The following GART variants were observed in gnomAD, a reference collection of about 807,000 sequenced individuals.
GART encodes the protein trifunctional purine biosynthetic protein adenosine-3.
Under a neutral mutation model 107.2 loss-of-function variants are expected in GART, and 43 were observed. That is an observed-to-expected ratio of 0.40 (90% CI 0.31 to 0.52). The LOEUF (loss-of-function observed/expected upper bound fraction) is 0.52. Ranked by LOEUF, GART falls within the 20% of genes least tolerant of loss-of-function variation. The pLI is 0.52. For synonymous variants in GART, 434 were observed against 427.0 expected (o/e 1.02, Z -0.20); for missense variants, 1,107 against 1,206.5 (o/e 0.92, Z 1.22).
At chr21:33,508,902 T>C (rs1168567830) in intron 18 of GART, among the ~76,000 whole-genome samples, 2 of 152,184 alleles carry the variant, frequency 1.3e-5, no homozygotes, top group Non-Finnish European at 2.9e-5. Flanking sequence ...TTTCTGTTTC[T>C]GAGGCAGTTC....
intron 17 of GART, 42 bp from the exon 18 acceptor site, chr21:33,509,962 T>C (rs2084755726): frequency 6.4e-7 from 1 of 1,552,936 alleles, no homozygotes; most frequent in East Asian, 2.3e-5. Context: ...AGAACAATTG[T>C]GAATTAACAA....
chr21:33,520,716 T>G, intron 13 of GART, 154 bp from the exon 14 acceptor site: 1 of 711,970 alleles, frequency 1.4e-6, no homozygotes, highest in Non-Finnish European at 2.3e-6. Flanking sequence ...TCCTCTAAAG[T>G]ACCCTTCCAT....
At chr21:33,504,713 A>C (rs2084649795) in intron 20 of GART, among the ~76,000 whole-genome samples, 186 bp from the exon 21 acceptor site, 2 of 152,184 alleles carry the variant, frequency 1.3e-5, no homozygotes, top group Admixed American at 1.3e-4. Context: ...GGAAGCAGCA[A>C]GTACCCGCCT....
rs1338592990 is a variant in GART at position 33,517,524 on chromosome 21, T to C, written c.1787A>G (p.Asp596Gly). The C allele has an allele frequency of 6.2e-7, 1 of 1,614,164 alleles. No homozygotes were observed. Among genetic ancestry groups the C allele is most frequent in the East Asian group, 2.2e-5 (1 of 44,886 alleles). ...TCTTTCCAGGTGAGGGAGTTTCTGA[T>C]CTCGCTCCATGGCACCAACGGCAAA... ...AGFAVGAMER[D>G]QKLPHLERIT... Residue 596 changes from aspartate (D) to glycine (G), a missense_variant, in exon 15 of 22, where the codon GAT becomes GGT. Transcript: ENST00000381815.
chr21:33,520,238 C>T, intron 14 of GART, 126 bp downstream of exon 14: 1 of 749,684 alleles, frequency 1.3e-6, no homozygotes, highest in South Asian at 1.8e-5. Context: ...TTGTGCATAT[C>T]ACATATATGC....
chr21:33,530,568 T>C (rs2085166298), intron 7 of GART, 191 bp downstream of exon 7: 1 of 453,772 alleles, frequency 2.2e-6, no homozygotes, highest in African/African-American at 2.0e-5. Context: ...TTATTTTAGT[T>C]CTTCAAAAAA....
upstream of GART, chr21:33,542,515 A>AC (rs2085467978): frequency 6.8e-6 from 1 of 146,544 alleles, no homozygotes; most frequent in South Asian, 2.1e-4. Context: ...GCCTATTGCT[A>AC]AAAAAAAAAA....
At chr21:33,523,237 C>CAAAAACA (rs1377322994) in intron 11 of GART, among the ~76,000 whole-genome samples, 2 of 152,066 alleles carry the variant, frequency 1.3e-5, no homozygotes, top group Non-Finnish European at 2.9e-5. Flanking sequence ...AAAAAGCATA[C>CAAAAACA]AAAAACAAAA....
rs753557875 is a variant in GART, at chr21:33,528,923, T to C, written c.738A>G (p.Leu246=). Residue 246 remains leucine, a synonymous_variant, in exon 8 of 22, where the codon CTA becomes CTG. Coordinates refer to ENST00000381815, the MANE Select transcript of GART (RefSeq NM_000819.5). ...GAACAGTATCTTTAATTTTTAGTAATAGATCATTAGAAACCTGGAGAACGT... is the reference window on the plus strand; with the variant it reads ...GAACAGTATCTTTAATTTTTAGTAACAGATCATTAGAAACCTGGAGAACGT... The part of the protein sequence containing the change: ...YCPAPQVSND[L]LLKIKDTVLQ... The C allele has an allele frequency of 8.1e-6, 13 of 1,610,760 alleles. No individual in the cohort carries two copies. Among genetic ancestry groups the C allele is most frequent in the South Asian group, 3.3e-5 (3 of 90,986 alleles).
intron 6 of GART, 104 bp from the exon 7 acceptor site, chr21:33,530,988 G>GTT: frequency 2.0e-6 from 2 of 1,004,608 alleles, no homozygotes; most frequent in South Asian, 5.4e-5. Flanking sequence ...TTGAGGAAAA[G>GTT]TTTGTTTTTT....
chr21:33,522,822 G>A (rs1301715649), intron 11 of GART, among the ~76,000 whole-genome samples: 1 of 152,108 alleles, frequency 6.6e-6, no homozygotes, highest in Non-Finnish European at 1.5e-5. Context: ...CTGTTTAAAA[G>A]TAGATATACT....
At chr21:33,530,597 G>T in intron 7 of GART, 162 bp downstream of exon 7, 1 of 702,904 alleles carries the variant, frequency 1.4e-6, no homozygotes, top group Non-Finnish European at 2.0e-6. Flanking sequence ...GGAAAAGTTA[G>T]TTTTAGAGAC....
At chr21:33,525,378 T>C (rs925526862) in intron 10 of GART, among the ~76,000 whole-genome samples, 1 of 152,098 alleles carries the variant, frequency 6.6e-6, no homozygotes, top group Non-Finnish European at 1.5e-5. Context: ...TCCAAATAAA[T>C]AAATACATAA....
chr21:33,522,314 C>T (rs186691507), intron 11 of GART, 32 bp from the exon 12 acceptor site: 74 of 1,427,868 alleles, frequency 5.2e-5, no homozygotes, highest in Admixed American at 6.9e-5. Flanking sequence ...ATCACCTAAA[C>T]GTCAGGGAAA....
At chr21:33,510,980 G>C (rs1207525614) in intron 17 of GART, among the ~76,000 whole-genome samples, 1 of 152,176 alleles carries the variant, frequency 6.6e-6, no homozygotes, top group Non-Finnish European at 1.5e-5. Flanking sequence ...AGTGACAGCA[G>C]AGCCATGAGG....
At chr21:33,518,580 A>G (rs1457724310) in intron 14 of GART, 1 of 297,388 alleles carries the variant, frequency 3.4e-6, no homozygotes, top group Non-Finnish European at 6.7e-6. Flanking sequence ...TCTAAATTTT[A>G]TCAGATCCAT....
intron 8 of GART, 73 bp downstream of exon 8, chr21:33,528,777 A>G: frequency 8.3e-7 from 1 of 1,200,518 alleles, no homozygotes. Context: ...AAAAAAGGGA[A>G]TGGAAAATAA....
At chr21:33,513,174 A>G (rs1427332638) in intron 16 of GART, among the ~76,000 whole-genome samples, 1 of 149,338 alleles carries the variant, frequency 6.7e-6, no homozygotes, top group Non-Finnish European at 1.5e-5. Flanking sequence ...CATGCTGGCC[A>G]GGCTGGTCTT....
intron 2 of GART, among the ~76,000 whole-genome samples, chr21:33,536,124 C>T (rs912039133): frequency 6.6e-6 from 1 of 151,746 alleles, no homozygotes; most frequent in Non-Finnish European, 1.5e-5. Flanking sequence ...AACATACAAA[C>T]AAAAAAACAG....
Sources: gnomAD v4.1 joint callset for allele counts (sites outside exome capture counted in the v4.1 genomes callset) on GRCh38, gnomAD v4.1.1 for gene constraint, MANE v1.5 for transcripts, NCBI Gene and HGNC (gene_info 2026-07-23, HGNC 2026-07-21) for gene names.